ARK2N: variants seen among roughly 807,000 people sequenced by gnomAD.
The protein encoded by ARK2N is protein ARK2N.
the ARK2N span, among the ~76,000 whole-genome samples, chr18:46,179,016 C>T: frequency 2.0e-5 from 3 of 152,014 alleles, no homozygotes; most frequent in Admixed American, 1.3e-4. Context: ...GATATCTGCT[C>T]ACAGCAACCT....
At chr18:46,241,744 G>GTAA in the ARK2N span, among the ~76,000 whole-genome samples, 3 of 151,944 alleles carry the variant, frequency 2.0e-5, no homozygotes, top group Admixed American at 2.0e-4. Flanking sequence ...GAAAAAAGAA[G>GTAA]TAATAATGCT....
the ARK2N span, chr18:46,174,183 G>A: frequency 2.0e-5 from 3 of 152,410 alleles, no homozygotes; most frequent in Non-Finnish European, 4.4e-5. Context: ...CTCGCTGCCG[G>A]GGCTTGTTCC....
At chr18:46,260,997 T>A in the ARK2N span, among the ~76,000 whole-genome samples, 1 of 152,228 alleles carries the variant, frequency 6.6e-6, no homozygotes, top group African/African-American at 2.4e-5. Context: ...ATTGGGACTA[T>A]ATACTTCTTT....
the ARK2N span, among the ~76,000 whole-genome samples, chr18:46,198,524 T>C: frequency 3.9e-5 from 6 of 152,148 alleles, no homozygotes; most frequent in African/African-American, 1.4e-4. Flanking sequence ...CTTGTTTCCT[T>C]ATAGATTTTT....
chr18:46,234,912 C>T, the ARK2N span, among the ~76,000 whole-genome samples: 3 of 152,120 alleles, frequency 2.0e-5, 1 homozygote, highest in Non-Finnish European at 4.4e-5. Context: ...ATTTCCTCTA[C>T]GCTTTATTGT....
the ARK2N span, among the ~76,000 whole-genome samples, chr18:46,244,332 C>T: frequency 6.6e-6 from 1 of 152,068 alleles, no homozygotes; most frequent in South Asian, 2.1e-4. Flanking sequence ...GAAGTTAAAA[C>T]TTTAAATACC....
At chr18:46,193,391 G>GCAGTCCTCCTCC in the ARK2N span, among the ~76,000 whole-genome samples, 2 of 151,718 alleles carry the variant, frequency 1.3e-5, no homozygotes, top group African/African-American at 4.8e-5. Flanking sequence ...CAGGGTTCAA[G>GCAGTCCTCCTCC]TGATTCACCT....
At chr18:46,204,287 G>A in the ARK2N span, among the ~76,000 whole-genome samples, 1 of 152,138 alleles carries the variant, frequency 6.6e-6, no homozygotes, top group Non-Finnish European at 1.5e-5. Context: ...TAGATAAATA[G>A]CATAAGGTTT....
the ARK2N span, among the ~76,000 whole-genome samples, chr18:46,181,067 C>T: frequency 6.6e-6 from 1 of 151,374 alleles, no homozygotes. Flanking sequence ...CGAAACCAGC[C>T]TAGCCAACAT....
the ARK2N span, among the ~76,000 whole-genome samples, chr18:46,242,530 T>C: frequency 1.3e-5 from 2 of 152,148 alleles, no homozygotes; most frequent in African/African-American, 2.4e-5. Context: ...GTGGTAAAAG[T>C]ATGTGAGGAG....
chr18:46,183,647 A>C, the ARK2N span, among the ~76,000 whole-genome samples: 1 of 152,006 alleles, frequency 6.6e-6, no homozygotes, highest in Non-Finnish European at 1.5e-5. Context: ...GGAAGGGATG[A>C]GTTGCTGTGG....
At chr18:46,184,021 C>T in the ARK2N span, among the ~76,000 whole-genome samples, 1 of 147,136 alleles carries the variant, frequency 6.8e-6, no homozygotes, top group East Asian at 2.0e-4. Flanking sequence ...GACGGAGCCT[C>T]ACAGTGTCAC....
the ARK2N span, among the ~76,000 whole-genome samples, chr18:46,214,266 G>A: frequency 4.6e-5 from 7 of 152,194 alleles, no homozygotes; most frequent in Non-Finnish European, 1.0e-4. Flanking sequence ...GTGAGATGAT[G>A]GAGATGCCAT....
the ARK2N span, among the ~76,000 whole-genome samples, chr18:46,242,173 C>G: frequency 2.6e-5 from 4 of 152,112 alleles, no homozygotes; most frequent in Non-Finnish European, 4.4e-5. Context: ...GTCATCCATT[C>G]CACTTCAGTT....
chr18:46,225,453 T>C, the ARK2N span, among the ~76,000 whole-genome samples: 3,617 of 152,126 alleles, frequency 0.024, 142 homozygotes, highest in East Asian at 0.12. Context: ...TAAGTTTCTT[T>C]TGATGATGTT....
chr18:46,216,219 A>G, the ARK2N span: 2 of 1,613,830 alleles, frequency 1.2e-6, no homozygotes, highest in African/African-American at 2.7e-5. The surrounding 1 kb of genome is among the most constrained non-coding windows in gnomAD (Gnocchi z 4.3). Flanking sequence ...CTTCCGCAGA[A>G]GAGAATGAAC....
At chr18:46,222,109 GC>G in the ARK2N span, among the ~76,000 whole-genome samples, 1 of 152,184 alleles carries the variant, frequency 6.6e-6, no homozygotes, top group African/African-American at 2.4e-5. Context: ...CCCCACTTTA[GC>G]CCCATTCAAT....
the ARK2N span, chr18:46,232,648 A>G: frequency 2.0e-5 from 3 of 152,134 alleles, no homozygotes; most frequent in Admixed American, 2.0e-4. Flanking sequence ...GAAGTTTAGG[A>G]AAGTTAGTGG....
chr18:46,185,035 T>C, the ARK2N span, among the ~76,000 whole-genome samples: 218 of 152,352 alleles, frequency 1.4e-3, 1 homozygote, highest in African/African-American at 5.1e-3. Context: ...AAAGGGAAGT[T>C]ACTCTGTGAG....
Sources: allele counts gnomAD v4.1 joint callset (sites outside exome capture counted in the v4.1 genomes callset), GRCh38; gene constraint gnomAD v4.1.1; non-coding constraint Gnocchi (gnomAD v3.1); transcripts MANE v1.5; gene names NCBI Gene and HGNC (gene_info 2026-07-23, HGNC 2026-07-21).